Variants in TESMIN observed in about 807,000 individuals in gnomAD.
TESMIN encodes testis expressed metallothionein like protein.
A neutral mutation model predicts 47.4 loss-of-function variants in TESMIN; 34 were observed. That is an observed-to-expected ratio of 0.72 (90% CI 0.55 to 0.96). TESMIN has a LOEUF of 0.96. Among genes scored for constraint, TESMIN ranks in the 40% least tolerant of loss-of-function variants. The probability of loss-of-function intolerance (pLI) is 0.00; values close to 1 mark genes in which losing one functional copy is unlikely to be tolerated. For synonymous variants in TESMIN, 278 were observed against 258.9 expected (o/e 1.07, Z -0.71); for missense variants, 610 against 637.2 (o/e 0.96, Z 0.46).
intron 6 of TESMIN, among the ~76,000 whole-genome samples, chr11:68,731,731 A>G (rs887667994): frequency 6.6e-6 from 1 of 152,228 alleles, no homozygotes; most frequent in African/African-American, 2.4e-5. Flanking sequence ...ACATGAGGAC[A>G]GGTGGCATGT....
chr11:68,709,539 A>G (rs902426941), intron 9 of TESMIN, among the ~76,000 whole-genome samples: 1 of 152,262 alleles, frequency 6.6e-6, no homozygotes. Flanking sequence ...CTCAGGGGGC[A>G]ACTGTGGCTT....
At chr11:68,721,006 T>C (rs189155530) in intron 6 of TESMIN, among the ~76,000 whole-genome samples, 26 of 152,304 alleles carry the variant, frequency 1.7e-4, no homozygotes, top group African/African-American at 6.0e-4. Flanking sequence ...TTCTACAAAC[T>C]GCTTCAGTGT....
intron 6 of TESMIN, among the ~76,000 whole-genome samples, chr11:68,717,685 C>T (rs993734032): frequency 1.3e-5 from 2 of 152,110 alleles, no homozygotes; most frequent in African/African-American, 4.8e-5. Flanking sequence ...TGGGCAGCAC[C>T]AGGTTCCTCC....
intron 4 of TESMIN, among the ~76,000 whole-genome samples, chr11:68,743,387 G>T (rs750400506): frequency 5.3e-5 from 8 of 151,912 alleles, no homozygotes; most frequent in Non-Finnish European, 1.0e-4. Flanking sequence ...TGGGACAACA[G>T]GTGCACACCA....
At chr11:68,715,714 T>C in intron 7 of TESMIN, 123 bp downstream of exon 7, 1 of 701,242 alleles carries the variant, frequency 1.4e-6, no homozygotes, top group Non-Finnish European at 2.4e-6. Context: ...CAAGTTGTAT[T>C]CAATGTAAAT....
In TESMIN at chr11:68,716,132, G is replaced by A. The variant is rs185018537; in HGVS notation, c.918-193C>T. Among the ~76,000 whole-genome samples, 236 of 152,354 alleles carry A rather than the reference G, an allele frequency of 1.5e-3. 1 individual carries two copies. Among genetic ancestry groups the A allele is most frequent in the African/African-American group, 5.6e-3 (231 of 41,580 alleles). ...ATAATGCTCACCAGTGACTAACACA[G>A]AAGGGAGTAAAACTAGTTAAAACCA... On this transcript the variant is annotated intron_variant, in intron 6 of 9. Transcript: ENST00000255087.
At chr11:68,728,873 G>T (rs1392668357) in intron 6 of TESMIN, among the ~76,000 whole-genome samples, 2 of 152,120 alleles carry the variant, frequency 1.3e-5, no homozygotes, top group Non-Finnish European at 2.9e-5. Context: ...TAAGTCCACC[G>T]TGAAGACCTA....
rs749275051 is a variant in TESMIN at position 68,711,054 on chromosome 11, T to G, written c.1159-5A>C. 6.3e-7 allele frequency: 1 copy of G among 1,589,514 alleles called. No individual in the cohort carries two copies. Among genetic ancestry groups the G allele is most frequent in the Non-Finnish European group, 8.6e-7 (1 of 1,169,088 alleles). On this transcript the variant is annotated splice_polypyrimidine_tract_variant and splice_region_variant and intron_variant, in intron 8 of 9. Transcript: ENST00000255087. ...AGAAGAACACATAATTTGGGCCTGG[T>G]AATATAAAATGCTTCAATAAAATTA... is the stretch of plus-strand genomic sequence containing the variant.
intron 6 of TESMIN, among the ~76,000 whole-genome samples, chr11:68,720,253 T>C (rs1265249330): frequency 6.6e-6 from 1 of 152,232 alleles, no homozygotes; most frequent in Non-Finnish European, 1.5e-5. Flanking sequence ...CTTGCCCTTT[T>C]AATCTTTTGA....
chr11:68,709,759 A>T (rs1460293613), intron 9 of TESMIN, among the ~76,000 whole-genome samples: 1 of 152,046 alleles, frequency 6.6e-6, no homozygotes, highest in Admixed American at 6.5e-5. Context: ...CGAGGCTCCA[A>T]TGTACAGGCC....
intron 8 of TESMIN, among the ~76,000 whole-genome samples, chr11:68,712,144 G>A (rs1358678570): frequency 6.6e-6 from 1 of 152,258 alleles, no homozygotes; most frequent in Non-Finnish European, 1.5e-5. Context: ...CCTTTCCTCT[G>A]AGCCTGCACA....
intron 6 of TESMIN, among the ~76,000 whole-genome samples, chr11:68,719,040 G>C (rs555178783): frequency 6.6e-6 from 1 of 152,184 alleles, no homozygotes; most frequent in Non-Finnish European, 1.5e-5. Context: ...CAGGAGTCAG[G>C]AGCCCAAACA....
At chr11:68,750,086 G>T in intron 2 of TESMIN, 104 bp downstream of exon 2, 1 of 981,338 alleles carries the variant, frequency 1.0e-6, no homozygotes, top group Non-Finnish European at 1.4e-6. Flanking sequence ...GGTGTCACCA[G>T]GGAAAATGCT....
chr11:68,732,865 C>G (rs1388800914), intron 6 of TESMIN: 1 of 152,244 alleles, frequency 6.6e-6, no homozygotes, highest in African/African-American at 2.4e-5. Flanking sequence ...CTGGTGCACC[C>G]CCACATCACT....
At chr11:68,724,747 A>G (rs1159996276) in intron 6 of TESMIN, among the ~76,000 whole-genome samples, 1 of 152,210 alleles carries the variant, frequency 6.6e-6, no homozygotes, top group East Asian at 1.9e-4. Context: ...TAAGACAGAA[A>G]TCTGAGACAA....
intron 6 of TESMIN, chr11:68,737,673 A>C: frequency 1.0e-6 from 1 of 984,784 alleles, no homozygotes; most frequent in Non-Finnish European, 1.2e-6. Flanking sequence ...GCACTTTGGG[A>C]GGCTGAGATG....
intron 7 of TESMIN, among the ~76,000 whole-genome samples, chr11:68,715,098 C>T (rs980057087): frequency 7.9e-5 from 12 of 152,176 alleles, no homozygotes; most frequent in African/African-American, 4.8e-5. Context: ...AGCAGCCACA[C>T]CCTTATAATT....
At chr11:68,728,416 A>G (rs1298566723) in intron 6 of TESMIN, among the ~76,000 whole-genome samples, 1 of 152,244 alleles carries the variant, frequency 6.6e-6, no homozygotes, top group Non-Finnish European at 1.5e-5. Context: ...ATTGGAAGCT[A>G]GCAGAGGCTG....
At chr11:68,730,654 G>T (rs1186216210) in intron 6 of TESMIN, among the ~76,000 whole-genome samples, 1 of 152,036 alleles carries the variant, frequency 6.6e-6, no homozygotes. Context: ...AATTAGCTGG[G>T]CATGGTGGCG....
Sources: gnomAD v4.1 joint callset for allele counts (sites outside exome capture counted in the v4.1 genomes callset) on GRCh38, gnomAD v4.1.1 for gene constraint, MANE v1.5 for transcripts, NCBI Gene and HGNC (gene_info 2026-07-23, HGNC 2026-07-21) for gene names.